Variants in MROH1 observed in about 807,000 individuals in gnomAD.
MROH1 encodes maestro heat like repeat family member 1.
Under a neutral mutation model 116.5 loss-of-function variants are expected in MROH1, and 117 were observed. The observed-to-expected ratio is 1.00, with a 90% CI of 0.86 to 1.17. The LOEUF is 1.17. Among genes scored for constraint, MROH1 ranks in the 50% most tolerant of loss-of-function variants. MROH1 has a pLI of 0.00. For missense variants in MROH1, 1,873 were observed against 1,338.5 expected (o/e 1.40, Z -6.23); for synonymous variants, 921 against 583.9 (o/e 1.58, Z -8.32).
intron 12 of MROH1, among the ~76,000 whole-genome samples, chr8:144,211,888 C>T (rs538989640): frequency 2.0e-5 from 3 of 152,276 alleles, no homozygotes; most frequent in African/African-American, 4.8e-5. Context: ...TCACCATCAC[C>T]GAAGCTCAGA....
At chr8:144,215,186 A>G (rs968757189) in intron 12 of MROH1, among the ~76,000 whole-genome samples, 8 of 152,224 alleles carry the variant, frequency 5.3e-5, no homozygotes, top group Non-Finnish European at 1.2e-4. Flanking sequence ...TCAACTATCA[A>G]CCATCAAACT....
chr8:144,199,202 T>G lies in MROH1; in HGVS notation c.1027+2T>G. The G allele has an allele frequency of 6.2e-7, 1 of 1,612,258 alleles. No individual in the cohort carries two copies. The highest frequency in any genetic ancestry group is 8.5e-7 in the Non-Finnish European group (1 of 1,179,258). On this transcript the variant is annotated splice_donor_variant, in intron 11 of 43. Transcript: ENST00000326134. LOFTEE classifies it high-confidence loss of function. ...TGCTGCGCTGCTTCACTGTGCTGGG[T>G]GAGTGGTGGGCCCAGCTTTGCCCAT...
At position 144,163,731 on chromosome 8, in the gene MROH1, G is replaced by A; in HGVS notation, c.-56-40G>A. 1 of 1,275,766 alleles carries A rather than the reference G, an allele frequency of 7.8e-7. No homozygotes were observed. Among genetic ancestry groups the A allele is most frequent in the East Asian group, 2.4e-5 (1 of 42,284 alleles). 79.0% of individuals were successfully genotyped at this position (1,275,766 alleles called of 1,614,324 possible). A position where few individuals can be genotyped will look rare whatever the true frequency, so the allele number is the denominator to read the frequency against. On this transcript the variant is annotated intron_variant, in intron 2 of 43. Transcript: ENST00000326134. The surrounding 1 kb of genome is among the most constrained non-coding windows in gnomAD (Gnocchi z 4.4). ...ATTGCCTGTGAACTCAGATATCGTA[G>A]AGGCTTATGAATTAAATCTTGTGAT... is the stretch of plus-strand genomic sequence containing the variant.
intron 33 of MROH1, 40 bp from the exon 34 acceptor site, chr8:144,254,773 C>A (rs1465445513): frequency 1.3e-6 from 1 of 746,122 alleles, no homozygotes; most frequent in South Asian, 1.4e-5. Flanking sequence ...GGCGCCCTGA[C>A]CAGCCACGGC....
chr8:144,158,741 CTTTTT>C (rs545027106), intron 1 of MROH1, among the ~76,000 whole-genome samples: 2 of 146,722 alleles, frequency 1.4e-5, no homozygotes, highest in African/African-American at 4.9e-5. Flanking sequence ...TTCTTTTACA[CTTTTT>C]TTTTTTTAAT....
chr8:144,163,837 C>A lies in MROH1; in HGVS notation c.11C>A (p.Ser4Tyr). 1 of 1,613,450 alleles carries A rather than the reference C, an allele frequency of 6.2e-7. No homozygotes were observed. The highest frequency in any genetic ancestry group is 8.5e-7 in the Non-Finnish European group (1 of 1,179,592). The stretch of plus-strand genomic sequence containing the variant: ...GCTGAAACCACAGACATGACTGAGT[C>A]CTCCATGAAGAGTGAGTGCATGGGG... MTE[S>Y]SMKKLASTLL... Residue 4 changes from serine to tyrosine, a missense_variant, in exon 3 of 44, where the codon TCC becomes TAC. Physicochemically the swap from Ser to Tyr is moderately radical, Grantham distance 144. Transcript: ENST00000326134. The surrounding 1 kb of genome is among the most constrained non-coding windows in gnomAD (Gnocchi z 4.4).
chr8:144,179,056 T>C (rs1260305408), intron 4 of MROH1, among the ~76,000 whole-genome samples: 1 of 151,960 alleles, frequency 6.6e-6, no homozygotes, highest in East Asian at 1.9e-4. Context: ...AGCACTAGCC[T>C]AGCGGCAGAG....
intron 10 of MROH1, among the ~76,000 whole-genome samples, chr8:144,193,974 A>G (rs1299738475): frequency 6.6e-6 from 1 of 152,182 alleles, no homozygotes; most frequent in African/African-American, 2.4e-5. Context: ...CCTATCCAGC[A>G]TGCAGGAGCT....
intron 29 of MROH1, 130 bp downstream of exon 29, chr8:144,245,390 A>AT: frequency 3.0e-6 from 2 of 665,968 alleles, no homozygotes; most frequent in Non-Finnish European, 5.4e-6. Flanking sequence ...TGAGACCTGG[A>AT]TTGAGGGCCT....
At chr8:144,162,603 G>C (rs376657745) in intron 2 of MROH1, among the ~76,000 whole-genome samples, 44 of 151,404 alleles carry the variant, frequency 2.9e-4, no homozygotes, top group African/African-American at 9.9e-4. Flanking sequence ...CACCATGTTG[G>C]CCAGGCTGGT....
At chr8:144,199,871 A>G (rs756425468) in intron 11 of MROH1, among the ~76,000 whole-genome samples, 3 of 152,068 alleles carry the variant, frequency 2.0e-5, no homozygotes, top group Non-Finnish European at 2.9e-5. Flanking sequence ...GGCTGGGGGC[A>G]GGGTTGTGGT....
chr8:144,244,725 C>G (rs1298510449), intron 28 of MROH1, among the ~76,000 whole-genome samples, 186 bp downstream of exon 28: 1 of 152,216 alleles, frequency 6.6e-6, no homozygotes, highest in African/African-American at 2.4e-5. Context: ...TGGGGAGGCC[C>G]TGACCCAGGT....
intron 13 of MROH1, 87 bp downstream of exon 13, chr8:144,220,760 C>A: frequency 2.5e-6 from 3 of 1,212,242 alleles, no homozygotes; most frequent in Non-Finnish European, 2.4e-6. Flanking sequence ...GATCACCCAC[C>A]AACCAGGCGG....
chr8:144,259,436 CT>C (rs1235358724), intron 37 of MROH1, 82 bp downstream of exon 37: 15 of 709,012 alleles, frequency 2.1e-5, no homozygotes, highest in African/African-American at 3.5e-5. Flanking sequence ...TTTCTTACCC[CT>C]AAAAGGCCCC....
At chr8:144,156,847 A>G (rs1587725143) in intron 1 of MROH1, among the ~76,000 whole-genome samples, 2 of 122,122 alleles carry the variant, frequency 1.6e-5, no homozygotes, top group African/African-American at 3.1e-5. Flanking sequence ...CAATGGTGCT[A>G]TCTCGGCTCA....
At chr8:144,170,429 G>A (rs1439754077) in intron 4 of MROH1, among the ~76,000 whole-genome samples, 3 of 152,160 alleles carry the variant, frequency 2.0e-5, no homozygotes, top group Admixed American at 6.5e-5. Flanking sequence ...GACTTTCCCT[G>A]CCCTAGTCCT....
rs782376583 is a variant in MROH1, at chr8:144,261,656, G to A, written c.4842G>A (p.Ala1614=). ...PQVDLDQLIA[A]LQILLKDPAP... ...GCAGCCCCCCTCCTCTACCCCCAGC[G>A]CTCCAGATCCTGCTGAAGGACCCGG... The change falls in exon 44 of 44, where the codon GCG becomes GCA. Residue 1614 remains alanine (A), a splice_region_variant and synonymous_variant. Transcript: ENST00000326134. The A allele has an allele frequency of 1.1e-3, 765 of 718,610 alleles. 2 individuals are homozygous for A. The highest frequency in any genetic ancestry group is 1.5e-3 in the Non-Finnish European group (612 of 394,910). 44.5% of individuals were successfully genotyped at this position (718,610 alleles called of 1,614,324 possible). A position where few individuals can be genotyped will look rare whatever the true frequency, so the allele number is the denominator to read the frequency against.
chr8:144,173,433 T>A lies in MROH1; in HGVS notation c.168+4993T>A, dbSNP rs560090831. ...ATTTATTTTATTTTTATTTTATTTT[T>A]TTTTTTTTGAGACAGAGTCTCACTC... is the stretch of plus-strand genomic sequence containing the variant. On this transcript the variant is annotated intron_variant, in intron 4 of 43. Coordinates refer to ENST00000326134, the MANE Select transcript of MROH1 (RefSeq NM_032450.3). 4.2e-3 allele frequency among the ~76,000 whole-genome samples: 635 copies of A among 151,232 alleles called. 4 individuals carry two copies. Among genetic ancestry groups the A allele is most frequent in the African/African-American group, 0.015 (615 of 41,272 alleles).
intron 33 of MROH1, chr8:144,252,529 G>GA (rs1282605530): frequency 2.0e-5 from 3 of 152,080 alleles, no homozygotes; most frequent in African/African-American, 7.2e-5. Flanking sequence ...TTAGCCAGGC[G>GA]AGGTGGCAGG....
Sources: gnomAD v4.1 joint callset for allele counts (sites outside exome capture counted in the v4.1 genomes callset) on GRCh38, gnomAD v4.1.1 for gene constraint, Gnocchi (gnomAD v3.1) non-coding constraint, MANE v1.5 for transcripts, NCBI Gene and HGNC (gene_info 2026-07-23, HGNC 2026-07-21) for gene names.